The following CSMD1 variants were observed in gnomAD, a reference collection of about 807,000 sequenced individuals.
The protein encoded by CSMD1 is CUB and Sushi multiple domains 1, also known as CUB and sushi domain-containing protein 1.
CSMD1 carries 213 observed loss-of-function variants against 417.5 expected under a neutral mutation model. The observed-to-expected ratio is 0.51, with a 90% CI of 0.46 to 0.57. The LOEUF (loss-of-function observed/expected upper bound fraction) is 0.57, where lower values mean the gene tolerates loss of function less well. CSMD1 is among the 20% of genes least tolerant of loss of function. The pLI is 0.00. For synonymous variants in CSMD1, 2,862 were observed against 1,736.8 expected, an observed-to-expected ratio of 1.65 and a Z score of -16.11; for missense variants, 6,923 against 4,529.7, an observed-to-expected ratio of 1.53 and a Z score of -15.17.
At chr8:3,343,248 C>G (rs758140459) in intron 23 of CSMD1, 46 bp downstream of exon 23, 4 of 1,541,380 alleles carry the variant, frequency 2.6e-6, no homozygotes, top group East Asian at 2.3e-5. Context: ...TCAGATATGT[C>G]CTGACAAAAT....
intron 5 of CSMD1, among the ~76,000 whole-genome samples, chr8:3,822,572 C>T (rs1023758066): frequency 2.6e-5 from 4 of 152,212 alleles, no homozygotes; most frequent in African/African-American, 4.8e-5. Context: ...TCTATCACTT[C>T]ATGGGTTTAT....
chr8:3,193,363 T>C (rs1191025837), intron 33 of CSMD1, among the ~76,000 whole-genome samples: 1 of 152,106 alleles, frequency 6.6e-6, no homozygotes, highest in Non-Finnish European at 1.5e-5. Context: ...GGAAGAAGTT[T>C]GGAAAGTGAG....
chr8:4,305,080 T>C (rs1798174651), intron 3 of CSMD1, among the ~76,000 whole-genome samples: 3 of 152,160 alleles, frequency 2.0e-5, no homozygotes, highest in Admixed American at 6.5e-5. Context: ...GGGCACAGAA[T>C]CACAACAGGT....
chr8:4,714,651 A>G (rs1156408691), intron 1 of CSMD1, among the ~76,000 whole-genome samples: 1 of 152,082 alleles, frequency 6.6e-6, no homozygotes, highest in Non-Finnish European at 1.5e-5. Flanking sequence ...TTCCCCAGAA[A>G]GACATACTTG....
At chr8:3,108,023 T>C (rs1401268948) in intron 44 of CSMD1, among the ~76,000 whole-genome samples, 2 of 152,212 alleles carry the variant, frequency 1.3e-5, no homozygotes, top group African/African-American at 2.4e-5. Context: ...TGTACAATTA[T>C]TTTTTAAAGT....
chr8:4,429,908 G>T (rs998432119), intron 2 of CSMD1, among the ~76,000 whole-genome samples: 5 of 152,008 alleles, frequency 3.3e-5, no homozygotes, highest in Admixed American at 2.6e-4. Flanking sequence ...CCAAGACTTG[G>T]GGATTCAATC....
intron 8 of CSMD1, among the ~76,000 whole-genome samples, chr8:3,595,728 G>T (rs971381892): frequency 6.6e-6 from 1 of 152,186 alleles, no homozygotes; most frequent in Non-Finnish European, 1.5e-5. Flanking sequence ...AATGTTCCAA[G>T]TTATGTTATA....
chr8:3,980,581 TC>T (rs781228855), intron 5 of CSMD1, among the ~76,000 whole-genome samples: 3 of 152,174 alleles, frequency 2.0e-5, no homozygotes, highest in Non-Finnish European at 4.4e-5. Flanking sequence ...GAAAATAGTT[TC>T]CCCCCTTGTT....
chr8:4,440,273 C>G (rs937538978), intron 2 of CSMD1, among the ~76,000 whole-genome samples: 1 of 152,114 alleles, frequency 6.6e-6, no homozygotes, highest in African/African-American at 2.4e-5. Context: ...ATAAGATGCT[C>G]ACAGCATTGG....
intron 1 of CSMD1, among the ~76,000 whole-genome samples, chr8:4,960,816 AT>A: frequency 6.6e-6 from 1 of 152,286 alleles, no homozygotes; most frequent in East Asian, 1.9e-4. Flanking sequence ...TGGTAAAACT[AT>A]TTTATCAAAT....
chr8:3,773,626 A>G (rs1426365201), intron 5 of CSMD1, among the ~76,000 whole-genome samples: 1 of 152,170 alleles, frequency 6.6e-6, no homozygotes, highest in Non-Finnish European at 1.5e-5. Context: ...AGTCCAGTGT[A>G]AACTATTTGG....
chr8:4,427,240 G>C (rs1407498023), intron 2 of CSMD1, among the ~76,000 whole-genome samples: 1 of 152,172 alleles, frequency 6.6e-6, no homozygotes, highest in Non-Finnish European at 1.5e-5. Flanking sequence ...GCCGTGCCCT[G>C]AATGGTCCTC....
intron 1 of CSMD1, among the ~76,000 whole-genome samples, chr8:4,888,598 G>A (rs545993932): frequency 6.6e-5 from 10 of 151,858 alleles, no homozygotes; most frequent in Non-Finnish European, 7.4e-5. Flanking sequence ...GAAGGACTAC[G>A]GCAGTGACAT....
chr8:3,162,494 A>G lies in CSMD1; in HGVS notation c.5726-217T>C, dbSNP rs187491606. 2.2e-3 allele frequency among the ~76,000 whole-genome samples: 334 copies of G among 152,298 alleles called. 1 individual carries two copies. The highest frequency in any genetic ancestry group is 3.5e-3 in the Non-Finnish European group (237 of 68,012). The stretch of plus-strand genomic sequence containing the variant: ...TAAATTATCTTATTTTCATTACACA[A>G]TGAATCAAGGCTTTGATTTCAATAA... On this transcript the variant is annotated intron_variant, in intron 37 of 69. Coordinates refer to ENST00000635120, the MANE Select transcript of CSMD1 (RefSeq NM_033225.6).
chr8:3,544,480 C>G (rs896834203), intron 10 of CSMD1, among the ~76,000 whole-genome samples: 1 of 152,092 alleles, frequency 6.6e-6, no homozygotes, highest in Non-Finnish European at 1.5e-5. Flanking sequence ...GAGTAGCTTG[C>G]TCTTTCCCAG....
intron 25 of CSMD1, among the ~76,000 whole-genome samples, chr8:3,299,606 T>G (rs1433088747): frequency 1.3e-5 from 2 of 152,002 alleles, no homozygotes; most frequent in Non-Finnish European, 2.9e-5. Flanking sequence ...GGTGTAATTC[T>G]GCCTCACAAA....
At position 4,978,182 on chromosome 8, in the gene CSMD1, T is replaced by A. The variant is rs532286101; in HGVS notation, c.85+16150A>T. Among the ~76,000 whole-genome samples the A allele has an allele frequency of 6.6e-5, 10 of 152,342 alleles. No homozygotes were observed. In the South Asian group the frequency reaches 1.7e-3, roughly 25 times the overall value. On this transcript the variant is annotated intron_variant, in intron 1 of 69. Transcript: ENST00000635120. ...AATTTTCATGTCATAATTTGGGATT[T>A]ATTTTTATATTATAACTTGGGATCT...
At chr8:4,838,129 T>G (rs944295442) in intron 1 of CSMD1, among the ~76,000 whole-genome samples, 1 of 152,140 alleles carries the variant, frequency 6.6e-6, no homozygotes, top group Non-Finnish European at 1.5e-5. Context: ...AAACTTTTTT[T>G]TAAAGCAAGG....
At position 3,949,873 on chromosome 8, in the gene CSMD1, C is replaced by G. The variant is rs993066258; in HGVS notation, c.818+48030G>C. The G allele has an allele frequency of 2.6e-5, 12 of 455,380 alleles. 1 individual carries two copies. Among genetic ancestry groups the G allele is most frequent in the Admixed American group, 9.4e-5 (4 of 42,512 alleles). 28.2% of individuals were successfully genotyped at this position (455,380 alleles called of 1,614,324 possible). ...TCCCTGGGGACATGGCCTCCTCATT[C>G]AGCCCCAATTCAAGATTGTGCCTCC... is the stretch of plus-strand genomic sequence containing the variant. On this transcript the variant is annotated intron_variant, in intron 5 of 69. Transcript: ENST00000635120.
Sources: allele counts gnomAD v4.1 joint callset (sites outside exome capture counted in the v4.1 genomes callset), GRCh38; gene constraint gnomAD v4.1.1; transcripts MANE v1.5; gene names NCBI Gene and HGNC (gene_info 2026-07-23, HGNC 2026-07-21).